Variants in SSH2 observed in about 807,000 individuals in gnomAD.
The protein encoded by SSH2 is protein phosphatase Slingshot homolog 2.
A neutral mutation model predicts 135.2 loss-of-function variants in SSH2; 37 were observed. That is an observed-to-expected ratio of 0.27 (90% CI 0.21 to 0.36). SSH2 has a LOEUF of 0.36. SSH2 is among the 10% of genes least tolerant of loss of function. The pLI, the probability that SSH2 is intolerant of heterozygous loss-of-function variation, is 1.00. For missense variants in SSH2, 1,408 were observed against 1,765.3 expected, an observed-to-expected ratio of 0.80 and a Z score of 3.63; for synonymous variants, 628 against 646.2, an observed-to-expected ratio of 0.97 and a Z score of 0.43.
intron 15 of SSH2, 29 bp downstream of exon 15, chr17:29,635,938 TA>T (rs2035897194): frequency 4.7e-6 from 7 of 1,502,724 alleles, no homozygotes; most frequent in Non-Finnish European, 3.7e-6. Flanking sequence ...AGAACTTCAT[TA>T]GGCGGAAAAC....
chr17:29,699,474 G>A (rs964922944), intron 4 of SSH2, among the ~76,000 whole-genome samples: 2 of 152,148 alleles, frequency 1.3e-5, no homozygotes, highest in African/African-American at 2.4e-5. Flanking sequence ...GTTTATACTC[G>A]CACTGCCTCA....
chr17:29,833,184 G>A (rs2042878568), intron 2 of SSH2, among the ~76,000 whole-genome samples: 3 of 152,188 alleles, frequency 2.0e-5, no homozygotes. Context: ...AAAGTGGAAT[G>A]ATGAAGTATC....
chr17:29,791,782 A>G (rs2042069840), intron 3 of SSH2, among the ~76,000 whole-genome samples: 1 of 152,186 alleles, frequency 6.6e-6, no homozygotes, highest in Admixed American at 6.5e-5. Context: ...AGTTGCTACT[A>G]GGTTTTTTTC....
At chr17:29,741,988 G>A (rs2040575900) in intron 3 of SSH2, among the ~76,000 whole-genome samples, 1 of 142,882 alleles carries the variant, frequency 7.0e-6, no homozygotes, top group Non-Finnish European at 1.5e-5. Flanking sequence ...AGGCTGGAGT[G>A]CAGTGGTGCA....
At chr17:29,876,180 C>A (rs2066026970) in intron 1 of SSH2, among the ~76,000 whole-genome samples, 1 of 141,804 alleles carries the variant, frequency 7.1e-6, no homozygotes, top group South Asian at 2.4e-4. Flanking sequence ...ATAGCCAAAG[C>A]TATCCTAAGG....
intron 3 of SSH2, among the ~76,000 whole-genome samples, chr17:29,732,771 G>T (rs985263739): frequency 5.9e-5 from 9 of 152,122 alleles, no homozygotes; most frequent in African/African-American, 1.9e-4. Flanking sequence ...AACTGTATTG[G>T]TGTGTTCCTT....
chr17:29,657,567 CTACTT>C (rs1423784792), intron 11 of SSH2, among the ~76,000 whole-genome samples: 1 of 123,502 alleles, frequency 8.1e-6, no homozygotes, highest in Non-Finnish European at 1.7e-5. Context: ...CTGTGCCCGG[CTACTT>C]TGTTTTTTTT....
chr17:29,872,927 CAA>C (rs2065963671), intron 1 of SSH2, among the ~76,000 whole-genome samples: 1 of 147,920 alleles, frequency 6.8e-6, no homozygotes, highest in African/African-American at 2.5e-5. Flanking sequence ...ACCGGGGAGG[CAA>C]AGACTGCAGT....
intron 3 of SSH2, among the ~76,000 whole-genome samples, chr17:29,789,124 A>G (rs373294057): frequency 2.0e-5 from 3 of 152,352 alleles, no homozygotes; most frequent in Admixed American, 6.5e-5. Context: ...TGGACATTCA[A>G]CTACAGTGGT....
At chr17:29,644,905 G>A (rs961880528) in intron 14 of SSH2, 1 of 152,158 alleles carries the variant, frequency 6.6e-6, no homozygotes, top group African/African-American at 2.4e-5. Flanking sequence ...TTGATTACTT[G>A]CAGCCAAAAG....
At chr17:29,656,446 G>A (rs558200805) in intron 11 of SSH2, among the ~76,000 whole-genome samples, 63 of 152,234 alleles carry the variant, frequency 4.1e-4, no homozygotes, top group Non-Finnish European at 7.4e-4. Context: ...AAAGTGCTGG[G>A]ATTACAGGTG....
At chr17:29,832,463 G>A (rs531388714) in intron 2 of SSH2, among the ~76,000 whole-genome samples, 19 of 152,126 alleles carry the variant, frequency 1.2e-4, no homozygotes, top group African/African-American at 4.1e-4. Flanking sequence ...AATGAATGAT[G>A]GCTATAAAAT....
intron 3 of SSH2, among the ~76,000 whole-genome samples, chr17:29,718,436 C>CA (rs549935208): frequency 2.2e-4 from 33 of 152,192 alleles, no homozygotes; most frequent in Middle Eastern, 3.4e-3. Flanking sequence ...CCTAAAACCA[C>CA]AAAAAACATT....
At chr17:29,801,186 AT>A (rs1457978597) in intron 2 of SSH2, among the ~76,000 whole-genome samples, 1 of 152,148 alleles carries the variant, frequency 6.6e-6, no homozygotes, top group Non-Finnish European at 1.5e-5. Flanking sequence ...TAATTGAAAG[AT>A]TAATGCATTC....
chr17:29,633,074 T>G, intron 15 of SSH2, 143 bp from the exon 16 acceptor site: 1 of 713,104 alleles, frequency 1.4e-6, no homozygotes. Flanking sequence ...GACCACACTC[T>G]GCCCATCTGT....
intron 2 of SSH2, among the ~76,000 whole-genome samples, chr17:29,818,033 G>A (rs527484247): frequency 6.6e-6 from 1 of 152,000 alleles, no homozygotes; most frequent in Non-Finnish European, 1.5e-5. Context: ...GCCTCCCAAA[G>A]TGCTAAGATT....
At chr17:29,856,953 T>TA (rs1427177567) in intron 1 of SSH2, among the ~76,000 whole-genome samples, 2 of 152,170 alleles carry the variant, frequency 1.3e-5, no homozygotes, top group Non-Finnish European at 2.9e-5. Flanking sequence ...AATTACCTCC[T>TA]ACCGGGTCCC....
chr17:29,806,374 G>A (rs2042345619), intron 2 of SSH2, among the ~76,000 whole-genome samples: 1 of 152,140 alleles, frequency 6.6e-6, no homozygotes, highest in Non-Finnish European at 1.5e-5. Context: ...GTCTGAAAAG[G>A]TCAAATAACA....
chr17:29,887,586 T>C (rs2066262576), intron 1 of SSH2, among the ~76,000 whole-genome samples: 1 of 152,214 alleles, frequency 6.6e-6, no homozygotes. Context: ...ATGGTAATAG[T>C]ACACATCTTC....
Sources: allele counts gnomAD v4.1 joint callset (sites outside exome capture counted in the v4.1 genomes callset), GRCh38; gene constraint gnomAD v4.1.1; transcripts MANE v1.5; gene names NCBI Gene and HGNC (gene_info 2026-07-23, HGNC 2026-07-21).